CACNA2D3: variants seen among roughly 807,000 people sequenced by gnomAD.
The protein encoded by CACNA2D3 is voltage-dependent calcium channel subunit alpha-2/delta-3.
In CACNA2D3, 60 loss-of-function variants were observed where a neutral mutation model predicts 160.6. The ratio of observed to expected loss-of-function variants is 0.37; its 90% confidence interval spans 0.30 to 0.46. The LOEUF (loss-of-function observed/expected upper bound fraction) is 0.46, where lower values mean the gene tolerates loss of function less well. Among genes scored for constraint, CACNA2D3 ranks in the 20% least tolerant of loss-of-function variants. CACNA2D3 has a pLI of 1.00. For missense variants in CACNA2D3, 1,205 were observed against 1,365.0 expected, an observed-to-expected ratio of 0.88 and a Z score of 1.85; for synonymous variants, 558 against 492.9, an observed-to-expected ratio of 1.13 and a Z score of -1.75.
chr3:54,134,202 C>T (rs1037769846), intron 2 of CACNA2D3, among the ~76,000 whole-genome samples: 3 of 152,272 alleles, frequency 2.0e-5, no homozygotes, highest in South Asian at 2.1e-4. Context: ...AGTCTTGTTG[C>T]AGGGCCTTCT....
intron 11 of CACNA2D3, among the ~76,000 whole-genome samples, chr3:54,660,253 C>T (rs1699944436): frequency 6.6e-6 from 1 of 151,912 alleles, no homozygotes; most frequent in Non-Finnish European, 1.5e-5. Context: ...CTCCGCCTCC[C>T]AAGTTCAGGC....
At chr3:54,453,543 C>T (rs571689600) in intron 4 of CACNA2D3, among the ~76,000 whole-genome samples, 8 of 152,188 alleles carry the variant, frequency 5.3e-5, no homozygotes, top group Non-Finnish European at 1.0e-4. Context: ...AACAGAAACA[C>T]AGCTCAAACT....
intron 11 of CACNA2D3, among the ~76,000 whole-genome samples, chr3:54,720,274 T>C (rs1701145265): frequency 6.6e-6 from 1 of 152,044 alleles, no homozygotes; most frequent in Non-Finnish European, 1.5e-5. Context: ...AACTTCCCTG[T>C]AGTTGTTTTA....
intron 3 of CACNA2D3, among the ~76,000 whole-genome samples, chr3:54,353,365 C>T (rs1053249429): frequency 9.8e-5 from 15 of 152,290 alleles, no homozygotes; most frequent in African/African-American, 2.9e-4. Context: ...ATCTCTGAGC[C>T]GGACTAACAT....
intron 32 of CACNA2D3, among the ~76,000 whole-genome samples, chr3:55,005,940 G>A (rs1428405925): frequency 6.6e-6 from 1 of 152,198 alleles, no homozygotes; most frequent in East Asian, 1.9e-4. Context: ...ATTTGCAGAT[G>A]TAAGATGTTA....
At chr3:54,148,432 G>A (rs1265132052) in intron 2 of CACNA2D3, among the ~76,000 whole-genome samples, 1 of 152,210 alleles carries the variant, frequency 6.6e-6, no homozygotes, top group African/African-American at 2.4e-5. Context: ...ACTAGGCGCT[G>A]GAATGGGCTT....
At chr3:54,618,660 A>C (rs1313688211) in intron 9 of CACNA2D3, among the ~76,000 whole-genome samples, 1 of 152,148 alleles carries the variant, frequency 6.6e-6, no homozygotes, top group South Asian at 2.1e-4. Flanking sequence ...GAATGTAGCC[A>C]CCACTGCTTG....
intron 2 of CACNA2D3, among the ~76,000 whole-genome samples, chr3:54,198,179 T>C (rs975834014): frequency 2.0e-5 from 3 of 152,234 alleles, no homozygotes; most frequent in African/African-American, 7.2e-5. Context: ...TGTCTTTGTG[T>C]GTCTTGTCTT....
intron 11 of CACNA2D3, among the ~76,000 whole-genome samples, chr3:54,689,806 C>T (rs540973520): frequency 5.2e-4 from 79 of 152,252 alleles, no homozygotes; most frequent in African/African-American, 1.9e-3. Context: ...GCCTCTTTGA[C>T]ACCCCTTCCC....
At chr3:54,892,297 G>T (rs966383845) in intron 25 of CACNA2D3, among the ~76,000 whole-genome samples, 1 of 152,082 alleles carries the variant, frequency 6.6e-6, no homozygotes, top group Non-Finnish European at 1.5e-5. Context: ...CCAACCTTCA[G>T]GGTACCTGGA....
chr3:54,170,628 C>CCCTCCTTTCTTCCTTCCTT (rs1312423257), intron 2 of CACNA2D3, among the ~76,000 whole-genome samples: 2 of 152,142 alleles, frequency 1.3e-5, no homozygotes, highest in Non-Finnish European at 2.9e-5. Flanking sequence ...CTCCCTCCCT[C>CCCTCCTTTCTTCCTTCCTT]CCTCCTTTCT....
At chr3:54,170,761 AT>A (rs1700547298) in intron 2 of CACNA2D3, among the ~76,000 whole-genome samples, 1 of 152,164 alleles carries the variant, frequency 6.6e-6, no homozygotes, top group Non-Finnish European at 1.5e-5. Context: ...GCAAGTGTAC[AT>A]TTTAAAGCTT....
chr3:54,918,683 C>T (rs773408157), intron 27 of CACNA2D3: 8 of 1,614,142 alleles, frequency 5.0e-6, no homozygotes, highest in Non-Finnish European at 5.9e-6. Flanking sequence ...GGTTTGAGCT[C>T]GCACTCCAAG....
At chr3:54,979,921 G>C (rs1702470632) in intron 29 of CACNA2D3, among the ~76,000 whole-genome samples, 1 of 152,112 alleles carries the variant, frequency 6.6e-6, no homozygotes, top group Admixed American at 6.6e-5. Flanking sequence ...AAGAAATTTG[G>C]TTACTTCTGT....
intron 2 of CACNA2D3, among the ~76,000 whole-genome samples, chr3:54,179,654 A>G (rs956585610): frequency 6.6e-6 from 1 of 152,190 alleles, no homozygotes; most frequent in Non-Finnish European, 1.5e-5. Context: ...CTAATCCTCA[A>G]TGTGGTGGTA....
chr3:54,994,977 A>T (rs554484540), intron 31 of CACNA2D3, among the ~76,000 whole-genome samples: 4 of 151,620 alleles, frequency 2.6e-5, no homozygotes, highest in South Asian at 4.2e-4. Flanking sequence ...TTATTTATTT[A>T]TTTATTTTTT....
intron 2 of CACNA2D3, among the ~76,000 whole-genome samples, chr3:54,285,979 A>T (rs369991019): frequency 6.6e-6 from 1 of 152,230 alleles, no homozygotes; most frequent in Admixed American, 6.5e-5. Flanking sequence ...AAGATGGGGA[A>T]AAAACAGAGC....
rs1261179497 is a variant in CACNA2D3 at position 54,912,346 on chromosome 3, C to T, written c.2449+12478C>T. 2.0e-5 allele frequency among the ~76,000 whole-genome samples: 3 copies of T among 152,146 alleles called. No homozygotes were observed. The East Asian group carries it at 5.8e-4, about 29-fold the overall frequency. On this transcript the variant is annotated intron_variant, in intron 27 of 37. Coordinates refer to ENST00000474759, the MANE Select transcript of CACNA2D3 (RefSeq NM_018398.3). ...AGGAGAGAGCATGAGTTCCAGGAGG[C>T]AAGAATCATTGAGAGTTATCCTAAA...
At chr3:54,167,194 C>T (rs986666610) in intron 2 of CACNA2D3, among the ~76,000 whole-genome samples, 1 of 152,076 alleles carries the variant, frequency 6.6e-6, no homozygotes, top group African/African-American at 2.4e-5. Context: ...CAGCTGTGTT[C>T]CCCACTAGGT....
Sources: gnomAD v4.1 joint callset for allele counts (sites outside exome capture counted in the v4.1 genomes callset) on GRCh38, gnomAD v4.1.1 for gene constraint, MANE v1.5 for transcripts, NCBI Gene and HGNC (gene_info 2026-07-23, HGNC 2026-07-21) for gene names.